The following ABI3BP variants were observed in gnomAD, a reference collection of about 807,000 sequenced individuals.
ABI3BP encodes the protein target of Nesh-SH3.
In ABI3BP, 216 loss-of-function variants were observed where a neutral mutation model predicts 268.6. The ratio of observed to expected loss-of-function variants is 0.80; its 90% CI spans 0.72 to 0.90. ABI3BP has a LOEUF of 0.90. ABI3BP is among the 40% of genes least tolerant of loss of function. The pLI, the probability that ABI3BP is intolerant of heterozygous loss-of-function variation, is 0.00. For synonymous variants in ABI3BP, 730 were observed against 730.0 expected, an observed-to-expected ratio of 1.00 and a Z score of 0.00; for missense variants, 2,090 against 2,182.4, an observed-to-expected ratio of 0.96 and a Z score of 0.84.
chr3:100,930,766 G>C (rs1472674276), intron 1 of ABI3BP: 1 of 151,838 alleles, frequency 6.6e-6, no homozygotes, highest in African/African-American at 2.4e-5. Context: ...CACCTATAAA[G>C]ATGAACTGGT....
At chr3:100,803,236 G>C (rs181976940) in intron 51 of ABI3BP, among the ~76,000 whole-genome samples, 1 of 145,640 alleles carries the variant, frequency 6.9e-6, no homozygotes, top group East Asian at 2.0e-4. Context: ...AGGGATAGTT[G>C]TTAACTATTT....
At chr3:100,842,790 G>T (rs1370253012) in intron 20 of ABI3BP, among the ~76,000 whole-genome samples, 4 of 152,042 alleles carry the variant, frequency 2.6e-5, no homozygotes, top group Non-Finnish European at 5.9e-5. Flanking sequence ...TTACCCAATA[G>T]GTTTCTCATT....
chr3:100,956,792 T>C (rs949389027), intron 1 of ABI3BP, among the ~76,000 whole-genome samples: 1 of 152,196 alleles, frequency 6.6e-6, no homozygotes, highest in Admixed American at 6.5e-5. Context: ...CAGATCATGA[T>C]AATAATGGAC....
chr3:100,935,874 T>G lies in ABI3BP; in HGVS notation c.80-9393A>C, dbSNP rs530269322. Among the ~76,000 whole-genome samples, 3 of 152,286 alleles carry G rather than the reference T, an allele frequency of 2.0e-5. 1 individual carries two copies. In the East Asian group the frequency reaches 5.8e-4, roughly 29 times the overall value. On this transcript the variant is annotated intron_variant, in intron 1 of 67. Coordinates refer to ENST00000471714, the MANE Select transcript of ABI3BP (RefSeq NM_001375547.2). ...GTTGCTTATCAGCTTAAGGAGATTT[T>G]GGGCTGAGATGATGGGGTTTTCTAA... is the stretch of plus-strand genomic sequence containing the variant.
intron 2 of ABI3BP, among the ~76,000 whole-genome samples, chr3:100,918,295 CCCATCCA>C: frequency 6.6e-6 from 1 of 151,244 alleles, no homozygotes; most frequent in African/African-American, 2.4e-5. Context: ...CACCCATCCA[CCCATCCA>C]CCCATCCACC....
chr3:100,777,711 GGGA>G (rs902051050), intron 59 of ABI3BP, among the ~76,000 whole-genome samples: 1 of 152,192 alleles, frequency 6.6e-6, no homozygotes. Context: ...TCATTCTATA[GGGA>G]GGAGGAATGT....
In ABI3BP at chr3:100,813,660, C is replaced by T. The variant is rs1560355790; in HGVS notation, c.3364+1G>A. On this transcript the variant is annotated splice_donor_variant, in intron 45 of 67. Transcript: ENST00000471714. LOFTEE classifies it high-confidence loss of function. The stretch of plus-strand genomic sequence containing the variant: ...CCAGACAGATAAAACAATCTATTTA[C>T]CAGGTTGACTTTCTGTCATTTCTAG... The T allele has an allele frequency of 1.1e-5, 17 of 1,533,362 alleles. No individual in the cohort carries two copies. Among genetic ancestry groups the T allele is most frequent in the Non-Finnish European group, 1.5e-5 (17 of 1,144,646 alleles). The allele number at this position is 1,533,362 out of a possible 1,614,324, so 95.0% of individuals were successfully genotyped here.
chr3:100,874,371 T>C (rs2099139865), intron 9 of ABI3BP, among the ~76,000 whole-genome samples: 2 of 152,316 alleles, frequency 1.3e-5, no homozygotes, highest in Admixed American at 1.3e-4. Context: ...AAGTGGATTT[T>C]CCGTTTTTTT....
intron 1 of ABI3BP, among the ~76,000 whole-genome samples, chr3:100,940,560 G>A (rs1269956233): frequency 6.6e-6 from 1 of 150,834 alleles, no homozygotes; most frequent in Non-Finnish European, 1.5e-5. Flanking sequence ...ATTTGATAAC[G>A]GTAACCAACC....
intron 6 of ABI3BP, among the ~76,000 whole-genome samples, chr3:100,884,896 A>C (rs2041179852): frequency 6.6e-6 from 1 of 152,140 alleles, no homozygotes; most frequent in Non-Finnish European, 1.5e-5. Context: ...TGGCTCTAAC[A>C]GTGACTTACA....
chr3:100,884,232 G>A (rs1304914729), intron 6 of ABI3BP, among the ~76,000 whole-genome samples: 3 of 150,546 alleles, frequency 2.0e-5, no homozygotes, highest in Non-Finnish European at 4.4e-5. Flanking sequence ...TAGAAAAGCA[G>A]CAAAACCTAA....
In ABI3BP at chr3:100,808,209, G is replaced by A. The variant is rs541807379; in HGVS notation, c.3634C>T (p.Pro1212Ser). Residue 1212 changes from proline (P) to serine (S), a missense_variant, in exon 50 of 68, where the codon CCT (proline) becomes TCT (serine). Coordinates refer to ENST00000471714, the MANE Select transcript of ABI3BP (RefSeq NM_001375547.2). The stretch of plus-strand genomic sequence containing the variant: ...GGGCGTGGTGATGTTTTTGGCTTAG[G>A]AGGAGCACGTGGTGTCTGCTTGGGA... Reference protein sequence around the residue: ...PAPKQTPRAPPKPKTSPRPRI... With the variant: ...PAPKQTPRAPSKPKTSPRPRI... 1 of 1,611,320 alleles carries A rather than the reference G, an allele frequency of 6.2e-7. No individual in the cohort carries two copies. Among genetic ancestry groups the A allele is most frequent in the South Asian group, 1.1e-5 (1 of 90,892 alleles).
intron 1 of ABI3BP, among the ~76,000 whole-genome samples, chr3:100,944,527 A>G (rs1271921317): frequency 6.6e-6 from 1 of 152,176 alleles, no homozygotes; most frequent in Non-Finnish European, 1.5e-5. Context: ...CAGGGAGCAA[A>G]TTGAAAATAC....
intron 43 of ABI3BP, chr3:100,816,289 G>C (rs1324134676): frequency 2.2e-6 from 1 of 445,562 alleles, no homozygotes; most frequent in Non-Finnish European, 4.0e-6. Context: ...CGAAAATACA[G>C]AGAGAAATAT....
At chr3:100,990,032 T>C (rs1320950341) in intron 1 of ABI3BP, among the ~76,000 whole-genome samples, 1 of 152,202 alleles carries the variant, frequency 6.6e-6, no homozygotes, top group South Asian at 2.1e-4. Flanking sequence ...CACAGGGTAA[T>C]GTTGGCCATA....
At chr3:100,778,819 C>A (rs2096786618) in intron 58 of ABI3BP, among the ~76,000 whole-genome samples, 2 of 152,148 alleles carry the variant, frequency 1.3e-5, no homozygotes, top group South Asian at 4.1e-4. Flanking sequence ...GGGTTATATG[C>A]AAACACTATA....
At chr3:100,815,827 A>G (rs1200949446) in intron 44 of ABI3BP, 85 bp downstream of exon 44, 3 of 910,984 alleles carry the variant, frequency 3.3e-6, no homozygotes, top group Non-Finnish European at 4.8e-6. Flanking sequence ...CTTAGGAAGC[A>G]GAAGCAACTC....
At chr3:100,947,697 G>A (rs1329303187) in intron 1 of ABI3BP, among the ~76,000 whole-genome samples, 1 of 152,076 alleles carries the variant, frequency 6.6e-6, no homozygotes, top group Non-Finnish European at 1.5e-5. Context: ...TGGTAAGAAA[G>A]AGAGGCCAGG....
intron 1 of ABI3BP, among the ~76,000 whole-genome samples, chr3:100,985,140 A>AC (rs2091211266): frequency 1.6e-5 from 2 of 128,708 alleles, no homozygotes; most frequent in Non-Finnish European, 3.3e-5. Flanking sequence ...TCAGAAAAGC[A>AC]CTTTTTTTTT....
Sources: gnomAD v4.1 joint callset for allele counts (sites outside exome capture counted in the v4.1 genomes callset) on GRCh38, gnomAD v4.1.1 for gene constraint, MANE v1.5 for transcripts, NCBI Gene and HGNC (gene_info 2026-07-23, HGNC 2026-07-21) for gene names.